The following CLEC16A variants were observed in gnomAD, a reference collection of about 807,000 sequenced individuals.
CLEC16A encodes the protein C-type lectin domain containing 16A.
A neutral mutation model predicts 109.5 loss-of-function variants in CLEC16A; 51 were observed. The ratio of observed to expected loss-of-function variants is 0.47; its 90% CI spans 0.37 to 0.59. CLEC16A has a LOEUF of 0.59. Ranked by LOEUF, CLEC16A falls within the 20% of genes least tolerant of loss-of-function variation. The pLI is 0.00. For synonymous variants in CLEC16A, 673 were observed against 564.2 expected, an observed-to-expected ratio of 1.19 and a Z score of -2.73; for missense variants, 1,339 against 1,394.0, an observed-to-expected ratio of 0.96 and a Z score of 0.63.
At chr16:11,101,360 A>G (rs917345529) in intron 19 of CLEC16A, among the ~76,000 whole-genome samples, 3 of 152,050 alleles carry the variant, frequency 2.0e-5, no homozygotes, top group African/African-American at 7.2e-5. Flanking sequence ...CCTCTTCCTC[A>G]TATCCCAGCC....
chr16:11,000,013 T>C (rs886381990), intron 10 of CLEC16A, among the ~76,000 whole-genome samples: 2 of 152,234 alleles, frequency 1.3e-5, no homozygotes, highest in Non-Finnish European at 2.9e-5. Context: ...ATTTTTTGTA[T>C]TTTTAGTAGA....
intron 19 of CLEC16A, among the ~76,000 whole-genome samples, chr16:11,109,088 G>A (rs2051400230): frequency 7.0e-6 from 1 of 143,120 alleles, no homozygotes; most frequent in African/African-American, 2.6e-5. Flanking sequence ...TCCAGCCTGG[G>A]CGACAGAGTG....
chr16:11,156,133 G>T (rs564559309), intron 22 of CLEC16A, among the ~76,000 whole-genome samples: 1 of 152,048 alleles, frequency 6.6e-6, no homozygotes, highest in African/African-American at 2.4e-5. Flanking sequence ...AGGCCAAGAC[G>T]GCTGGATCAC....
At chr16:11,104,260 C>A (rs1351897008) in intron 19 of CLEC16A, among the ~76,000 whole-genome samples, 1 of 136,078 alleles carries the variant, frequency 7.3e-6, no homozygotes, top group African/African-American at 2.8e-5. Context: ...AGCCATGTGC[C>A]ACCATACCCA....
At chr16:11,010,197 A>G (rs1465486156) in intron 11 of CLEC16A, among the ~76,000 whole-genome samples, 1 of 142,356 alleles carries the variant, frequency 7.0e-6, no homozygotes, top group Non-Finnish European at 1.5e-5. Flanking sequence ...CTAAATGATT[A>G]TCTCCATGGC....
chr16:11,035,567 C>T (rs1206306389), intron 13 of CLEC16A, among the ~76,000 whole-genome samples: 4 of 152,150 alleles, frequency 2.6e-5, no homozygotes, highest in Admixed American at 6.5e-5. Context: ...TCCACATGAC[C>T]CCAGGCAAGC....
At position 11,076,776 on chromosome 16, in the gene CLEC16A, C is replaced by G. The variant is rs1176217976; in HGVS notation, c.2116+15754C>G. 2.6e-5 allele frequency among the ~76,000 whole-genome samples: 4 copies of G among 152,152 alleles called. No individual in the cohort carries two copies. In the East Asian group the frequency reaches 7.7e-4, roughly 29 times the overall value. ...CTCCCAGCCCAGGAAGCTGGCCTGC[C>G]AATTGCCCCAGAGTCTGGCCCAGCC... On this transcript the variant is annotated intron_variant, in intron 19 of 23. Transcript: ENST00000409790.
intron 22 of CLEC16A, among the ~76,000 whole-genome samples, chr16:11,135,342 C>T (rs1464428340): frequency 6.6e-6 from 1 of 152,192 alleles, no homozygotes; most frequent in Non-Finnish European, 1.5e-5. Flanking sequence ...AGAGAAGGAA[C>T]CGCGTTCCCG....
At position 11,044,051 on chromosome 16, in the gene CLEC16A, C is replaced by T. The variant is rs1567236551; in HGVS notation, c.1794C>T (p.His598=). 1.2e-6 allele frequency: 2 copies of T among 1,609,288 alleles called. No homozygotes were observed. Among genetic ancestry groups the T allele is most frequent in the Non-Finnish European group, 1.7e-6 (2 of 1,177,066 alleles). The change falls in exon 16 of 24, where the codon CAC becomes CAT. Residue 598 remains histidine (H), a synonymous_variant. Transcript: ENST00000409790. ...CLEGAREESV[H]LVRHFYKGED... is the part of the protein sequence containing the mutation. The stretch of plus-strand genomic sequence containing the variant: ...AGGGTGCGAGAGAAGAAAGTGTTCA[C>T]CTTGTACGACATTTTTATAAGGTAA...
At chr16:11,006,136 A>G (rs1354870986) in intron 11 of CLEC16A, among the ~76,000 whole-genome samples, 5 of 152,018 alleles carry the variant, frequency 3.3e-5, no homozygotes, top group Non-Finnish European at 5.9e-5. Flanking sequence ...GCAAGTGGAG[A>G]GGGGGCTTCT....
chr16:11,052,157 C>A lies in CLEC16A; in HGVS notation c.1995+516C>A, dbSNP rs566647876. ...TCAGAACCAGCTGCAGTGTGTGCTT[C>A]CGTTATCAGCCCTTTTTTTCCGAAG... On this transcript the variant is annotated intron_variant, in intron 18 of 23. Transcript: ENST00000409790. 2.0e-5 allele frequency among the ~76,000 whole-genome samples: 3 copies of A among 152,278 alleles called. No homozygotes were observed. In the East Asian group the frequency reaches 5.8e-4, roughly 29 times the overall value.
intron 1 of CLEC16A, among the ~76,000 whole-genome samples, chr16:10,948,285 T>G (rs2041536204): frequency 6.6e-6 from 1 of 152,222 alleles, no homozygotes; most frequent in African/African-American, 2.4e-5. Flanking sequence ...TCATTATTCT[T>G]TGTAACACTC....
chr16:11,009,178 C>G (rs2045243580), intron 11 of CLEC16A, among the ~76,000 whole-genome samples: 1 of 152,168 alleles, frequency 6.6e-6, no homozygotes, highest in Non-Finnish European at 1.5e-5. Context: ...CAAATGGAAT[C>G]ATACAGTATT....
At chr16:11,057,378 C>A (rs1329297830) in intron 18 of CLEC16A, among the ~76,000 whole-genome samples, 1 of 152,256 alleles carries the variant, frequency 6.6e-6, no homozygotes, top group Non-Finnish European at 1.5e-5. Flanking sequence ...TCCCGTTGTA[C>A]CTGCACGGTG....
At chr16:11,044,621 C>T (rs1336079968) in intron 16 of CLEC16A, among the ~76,000 whole-genome samples, 2 of 152,130 alleles carry the variant, frequency 1.3e-5, no homozygotes, top group Non-Finnish European at 2.9e-5. Context: ...TCTTCAGGTT[C>T]CAGATGGTTT....
chr16:11,148,061 A>AT (rs1215245791), intron 22 of CLEC16A, among the ~76,000 whole-genome samples: 1 of 152,190 alleles, frequency 6.6e-6, no homozygotes, highest in East Asian at 1.9e-4. Flanking sequence ...TTTGCATTTC[A>AT]TACCTTTCCA....
chr16:11,011,643 A>G (rs1412657896), intron 11 of CLEC16A, among the ~76,000 whole-genome samples: 3 of 152,194 alleles, frequency 2.0e-5, no homozygotes, highest in Non-Finnish European at 4.4e-5. Context: ...GGATGTGCTC[A>G]TCGCTACTGA....
chr16:11,005,202 TAGTC>T (rs1429871652), intron 11 of CLEC16A, among the ~76,000 whole-genome samples: 1 of 152,204 alleles, frequency 6.6e-6, no homozygotes, highest in East Asian at 1.9e-4. Context: ...ACAATCAAAT[TAGTC>T]AGCCAGCCAG....
chr16:10,950,001 A>G (rs2041640107), intron 1 of CLEC16A, among the ~76,000 whole-genome samples: 1 of 152,196 alleles, frequency 6.6e-6, no homozygotes. Flanking sequence ...TTCAGCCAAC[A>G]AGAGTTTTGC....
Sources: allele counts gnomAD v4.1 joint callset (sites outside exome capture counted in the v4.1 genomes callset), GRCh38; gene constraint gnomAD v4.1.1; transcripts MANE v1.5; gene names NCBI Gene and HGNC (gene_info 2026-07-23, HGNC 2026-07-21).